Variants in CIITA observed in about 807,000 individuals in gnomAD.
CIITA encodes the protein class II major histocompatibility complex transactivator.
In CIITA, 72 loss-of-function variants were observed where a neutral mutation model predicts 115.1. The ratio of observed to expected loss-of-function variants is 0.63; its 90% CI spans 0.52 to 0.76. CIITA has a LOEUF of 0.76. Among genes scored for constraint, CIITA ranks in the 30% least tolerant of loss-of-function variants. The probability of loss-of-function intolerance (pLI) is 0.00; values close to 1 mark genes in which losing one functional copy is unlikely to be tolerated. For missense variants in CIITA, 1,617 were observed against 1,463.8 expected, an observed-to-expected ratio of 1.10 and a Z score of -1.71; for synonymous variants, 763 against 635.6, an observed-to-expected ratio of 1.20 and a Z score of -3.02.
chr16:10,898,077 T>C (rs1178825556), intron 3 of CIITA, among the ~76,000 whole-genome samples: 1 of 152,182 alleles, frequency 6.6e-6, no homozygotes, highest in African/African-American at 2.4e-5. Context: ...GATCCCTTCC[T>C]CCAGGAAGCC....
Position 10,925,028 on chromosome 16 carries a change from G to A in CIITA, c.*1173G>A, listed in dbSNP as rs1232417952. The stretch of plus-strand genomic sequence containing the variant: ...ATTTGAGCAGGGCTCAGCGGGGACA[G>A]CTCCTTCTGTCCTACTCTGTGTCAG... On this transcript the variant is annotated 3_prime_UTR_variant, in exon 20 of 20. Transcript: ENST00000324288. 1 of 152,288 alleles carries A rather than the reference G, an allele frequency of 6.6e-6. No homozygotes were observed. The highest frequency in any genetic ancestry group is 1.5e-5 in the Non-Finnish European group (1 of 68,070). The allele number at this position is 152,288 out of a possible 1,614,324, so 9.4% of individuals were successfully genotyped here.
At chr16:10,896,015 C>T (rs1217254466) in intron 3 of CIITA, among the ~76,000 whole-genome samples, 2 of 152,054 alleles carry the variant, frequency 1.3e-5, no homozygotes, top group African/African-American at 2.4e-5. Flanking sequence ...ACATCCTCCA[C>T]CTCCATTTCT....
Position 10,901,776 on chromosome 16 carries a change from C to A in CIITA, c.481+218C>A. The stretch of plus-strand genomic sequence containing the variant: ...AGGGGCTTGGAGCTAACAGATTGTT[C>A]ATAGGTTCTATTCTGCCCCAGCTCT... On this transcript the variant is annotated intron_variant, in intron 6 of 19. Coordinates refer to ENST00000324288, the MANE Select transcript of CIITA (RefSeq NM_000246.4). The surrounding 1 kb of genome is among the most constrained non-coding windows in gnomAD (Gnocchi z 6.8). The A allele has an allele frequency of 3.0e-6, 2 of 666,852 alleles. No homozygotes were observed. The highest frequency in any genetic ancestry group is 5.2e-6 in the Non-Finnish European group (2 of 388,240). 41.3% of individuals were successfully genotyped at this position (666,852 alleles called of 1,614,324 possible).
intron 1 of CIITA, chr16:10,888,852 G>C (rs931187918): frequency 1.3e-5 from 2 of 152,332 alleles, no homozygotes; most frequent in African/African-American, 4.8e-5. Context: ...ATTCAAAAAG[G>C]CTATAGAGTG....
Position 10,877,359 on chromosome 16 carries a change from G to T in CIITA, c.29G>T (p.Gly10Val). Reference sequence around the variant, plus strand: ...CGTTGCCTGGCTCCACGCCCTGCTGGGTCCTACCTGTCAGAGCCCCAAGGT... The same window carrying T: ...CGTTGCCTGGCTCCACGCCCTGCTGTGTCCTACCTGTCAGAGCCCCAAGGT... MRCLAPRPA[G>V]SYLSEPQGSS... Residue 10 changes from glycine to valine, a missense_variant, in exon 1 of 20, where the codon GGG becomes GTG. By Grantham distance (109) the Gly-to-Val change is moderately radical (BLOSUM62 -3). Coordinates refer to ENST00000324288, the MANE Select transcript of CIITA (RefSeq NM_000246.4). 1 of 1,613,328 alleles carries T rather than the reference G, an allele frequency of 6.2e-7. No homozygotes were observed. Among genetic ancestry groups the T allele is most frequent in the Non-Finnish European group, 8.5e-7 (1 of 1,179,598 alleles).
In CIITA at chr16:10,906,675, G is replaced by C; in HGVS notation, c.1183G>C (p.Gly395Arg). 6.2e-7 allele frequency: 1 copy of C among 1,613,268 alleles called. No individual in the cohort carries two copies. The highest frequency in any genetic ancestry group is 8.5e-7 in the Non-Finnish European group (1 of 1,179,968). Residue 395 changes from glycine to arginine, a missense_variant, in exon 11 of 20, where the codon GGA (glycine) becomes CGA (arginine). Gly to Arg is a moderately radical substitution (Grantham distance 125). Transcript: ENST00000324288. ...PDWAERQLAQ[G>R]GLAEVLLAAK... The stretch of plus-strand genomic sequence containing the variant: ...CTGGGCAGAACGGCAGCTGGCCCAA[G>C]GAGGCCTGGCTGAGGTGCTGTTGGC...
At position 10,924,590 on chromosome 16, in the gene CIITA, G is replaced by A. The variant is rs34538398; in HGVS notation, c.*735G>A. 0.035 allele frequency: 5,351 copies of A among 152,314 alleles called. 126 individuals are homozygous for A. The highest frequency in any genetic ancestry group is 0.051 in the Non-Finnish European group (3,472 of 68,064). The allele number at this position is 152,314 out of a possible 1,614,324, so 9.4% of individuals were successfully genotyped here. On this transcript the variant is annotated 3_prime_UTR_variant, in exon 20 of 20. Coordinates refer to ENST00000324288, the MANE Select transcript of CIITA (RefSeq NM_000246.4). ...ACCAGACACCTTGACAGGGCACACC[G>A]GGCACTCAGAAGACACTGATGGGCA...
At chr16:10,900,569 A>G (rs1008518830) in intron 5 of CIITA, among the ~76,000 whole-genome samples, 2 of 151,536 alleles carry the variant, frequency 1.3e-5, no homozygotes, top group African/African-American at 4.9e-5. Context: ...GTGAAACCCC[A>G]TCTCTACTAA....
intron 1 of CIITA, among the ~76,000 whole-genome samples, chr16:10,866,986 C>G (rs901726582): frequency 6.6e-6 from 1 of 152,214 alleles, no homozygotes; most frequent in African/African-American, 2.4e-5. Flanking sequence ...TGGCTCACGC[C>G]TGTAATCCCA....
intron 2 of CIITA, 67 bp downstream of exon 2, chr16:10,895,495 T>A: frequency 1.9e-6 from 3 of 1,604,150 alleles, no homozygotes; most frequent in Non-Finnish European, 1.7e-6. Context: ...GAGACGGCAA[T>A]CAGGGGAAAT....
In CIITA at chr16:10,901,636, C is replaced by A. The variant is rs908964514; in HGVS notation, c.481+78C>A. 41 of 1,441,956 alleles carry A rather than the reference C, an allele frequency of 2.8e-5. No homozygotes were observed. In the African/African-American group the frequency reaches 5.6e-4, roughly 20 times the overall value. The allele number at this position is 1,441,956 out of a possible 1,614,324, so 89.3% of individuals were successfully genotyped here. ...GATGGAAGAGATTGAACTCCTGGCC[C>A]AAGTCTGATGGGGATGGTGCATGGT... On this transcript the variant is annotated intron_variant, in intron 6 of 19. Transcript: ENST00000324288. This position sits in a 1 kb window ranked among gnomAD's most constrained non-coding sequence, Gnocchi z 6.8.
At chr16:10,876,727 A>T (rs995891473), upstream of CIITA, among the ~76,000 whole-genome samples, 1 of 152,256 alleles carries the variant, frequency 6.6e-6, no homozygotes, top group African/African-American at 2.4e-5. Context: ...TGAAAATGAC[A>T]GGTGGGCCAC....
At chr16:10,919,721 T>C (rs2040171152) in intron 16 of CIITA, among the ~76,000 whole-genome samples, 2 of 152,178 alleles carry the variant, frequency 1.3e-5, no homozygotes, top group Non-Finnish European at 2.9e-5. Flanking sequence ...ATGTAGGTGC[T>C]TACTTCTTGC....
intron 1 of CIITA, chr16:10,866,420 TGCTCCATGA>T (rs746326489): frequency 5.3e-6 from 3 of 566,238 alleles, no homozygotes; most frequent in South Asian, 4.2e-5. Context: ...CACTGCACTC[TGCTCCATGA>T]GCCTGATAGT....
In CIITA at chr16:10,877,335, G is replaced by T; in HGVS notation, c.5G>T (p.Arg2Leu). ...CCTGGCTGGGATTCCTACACAATGC[G>T]TTGCCTGGCTCCACGCCCTGCTGGG... is the stretch of plus-strand genomic sequence containing the variant. M[R>L]CLAPRPAGSY... is the part of the protein sequence containing the mutation. The change falls in exon 1 of 20, where the codon CGT becomes CTT. Residue 2 changes from arginine to leucine, a missense_variant. Arg to Leu is a moderately radical substitution (Grantham distance 102). Transcript: ENST00000324288. 1 of 1,612,988 alleles carries T rather than the reference G, an allele frequency of 6.2e-7. No homozygotes were observed. The highest frequency in any genetic ancestry group is 8.5e-7 in the Non-Finnish European group (1 of 1,179,446).
chr16:10,926,993 C>T lies in CIITA; in HGVS notation c.*3138C>T, dbSNP rs910448606. 1 of 152,236 alleles carries T rather than the reference C, an allele frequency of 6.6e-6. No homozygotes were observed. Among genetic ancestry groups the T allele is most frequent in the Non-Finnish European group, 1.5e-5 (1 of 68,052 alleles). 9.4% of individuals were successfully genotyped at this position (152,236 alleles called of 1,614,324 possible). A position where few individuals can be genotyped will look rare whatever the true frequency, so the allele number is the denominator to read the frequency against. ...GGGGCAAGTGGCAGAGACTCTAGAA[C>T]GAGATTGCCTGGGCTCAACGCCCAC... On this transcript the variant is annotated 3_prime_UTR_variant, in exon 20 of 20. Coordinates refer to ENST00000324288, the MANE Select transcript of CIITA (RefSeq NM_000246.4).
chr16:10,903,438 G>A (rs1452070300), intron 8 of CIITA, among the ~76,000 whole-genome samples: 1 of 152,160 alleles, frequency 6.6e-6, no homozygotes, highest in African/African-American at 2.4e-5. Context: ...TGATATCTAG[G>A]AAAATGAGCA....
At chr16:10,890,054 C>T (rs2037392619) in intron 1 of CIITA, among the ~76,000 whole-genome samples, 1 of 152,166 alleles carries the variant, frequency 6.6e-6, no homozygotes, top group African/African-American at 2.4e-5. Context: ...AGCTGCAAAT[C>T]CTTGATCACC....
chr16:10,904,465 C>T (rs1256337445), intron 9 of CIITA, among the ~76,000 whole-genome samples: 1 of 152,214 alleles, frequency 6.6e-6, no homozygotes, highest in Admixed American at 6.5e-5. Context: ...AAGTGATCCA[C>T]CTGCCTCGAC....
Sources: allele counts gnomAD v4.1 joint callset (sites outside exome capture counted in the v4.1 genomes callset), GRCh38; gene constraint gnomAD v4.1.1; non-coding constraint Gnocchi (gnomAD v3.1); transcripts MANE v1.5; gene names NCBI Gene and HGNC (gene_info 2026-07-23, HGNC 2026-07-21).